PCDHA3: variants seen among roughly 807,000 people sequenced by gnomAD.
The protein encoded by PCDHA3 is protocadherin alpha 3.
Under a neutral mutation model 62.2 loss-of-function variants are expected in PCDHA3, and 41 were observed. The observed-to-expected ratio is 0.66, with a 90% CI of 0.51 to 0.86. PCDHA3 has a LOEUF of 0.86. Ranked by LOEUF, PCDHA3 falls within the 40% of genes least tolerant of loss-of-function variation. PCDHA3 has a pLI of 0.00. For missense variants in PCDHA3, 1,304 were observed against 1,241.2 expected, an observed-to-expected ratio of 1.05 and a Z score of -0.76; for synonymous variants, 640 against 555.4, an observed-to-expected ratio of 1.15 and a Z score of -2.14.
chr5:140,908,456 T>C (rs557022321), intron 1 of PCDHA3, among the ~76,000 whole-genome samples: 2 of 152,174 alleles, frequency 1.3e-5, no homozygotes, highest in South Asian at 4.1e-4. Context: ...GCTAGATGGA[T>C]CAGAAAGCAC....
At chr5:140,916,776 C>A (rs2153540006) in intron 1 of PCDHA3, among the ~76,000 whole-genome samples, 1 of 152,308 alleles carries the variant, frequency 6.6e-6, no homozygotes. Context: ...CACAAGCACT[C>A]CCTTAGCTGC....
chr5:140,986,736 A>C (rs1056820843), intron 3 of PCDHA3, among the ~76,000 whole-genome samples: 1 of 152,206 alleles, frequency 6.6e-6, no homozygotes, highest in South Asian at 2.1e-4. Context: ...TCAAGACCCC[A>C]GGGGATCTGG....
chr5:140,900,518 C>G (rs1444768233), intron 1 of PCDHA3, among the ~76,000 whole-genome samples: 1 of 152,228 alleles, frequency 6.6e-6, no homozygotes, highest in Admixed American at 6.5e-5. Flanking sequence ...CTCAGGTGAT[C>G]TGCCCACCTC....
chr5:140,876,580 G>T, intron 1 of PCDHA3: 1 of 1,614,190 alleles, frequency 6.2e-7, no homozygotes, highest in African/African-American at 1.3e-5. Context: ...TACCGTCATT[G>T]CCCTGATTAG....
intron 1 of PCDHA3, chr5:140,814,565 T>C (rs2150036613): frequency 6.6e-6 from 1 of 152,332 alleles, no homozygotes; most frequent in South Asian, 2.1e-4. Flanking sequence ...TATCAAGTAT[T>C]ATGTACTGTA....
In PCDHA3 at chr5:140,802,179, C is replaced by A. The variant is rs146951816; in HGVS notation, c.982C>A (p.Pro328Thr). The A allele has an allele frequency of 1.9e-6, 3 of 1,614,140 alleles. No individual in the cohort carries two copies. Among genetic ancestry groups the A allele is most frequent in the Non-Finnish European group, 8.5e-7 (1 of 1,179,962 alleles). The change falls in exon 1 of 4, where the codon CCC becomes ACC. Residue 328 changes from proline to threonine, a missense_variant. By Grantham distance (38) the Pro-to-Thr change is conservative (BLOSUM62 -1). Coordinates refer to ENST00000522353, the MANE Select transcript of PCDHA3 (RefSeq NM_018906.3). The stretch of plus-strand genomic sequence containing the variant: ...GGTAGAAGCCACGGATAAAGGAAAT[C>A]CCCCAATGTCAGATCACTGCACAGT... ...IQVEATDKGN[P>T]PMSDHCTVLL...
At position 140,983,206 on chromosome 5, in the gene PCDHA3, C is replaced by G. The variant is rs184479967; in HGVS notation, c.2542+643C>G. 1.8e-3 allele frequency among the ~76,000 whole-genome samples: 271 copies of G among 152,316 alleles called. 2 individuals are homozygous for G. Among genetic ancestry groups the G allele is most frequent in the South Asian group, 2.5e-3 (12 of 4,822 alleles). On this transcript the variant is annotated intron_variant, in intron 3 of 3. Transcript: ENST00000522353. ...TCTTAGTTTAGAGGGATAATAGGGA[C>G]TATTTCCTAATCCAAACTTTCAGGA...
chr5:140,851,247 G>A (rs1554145321), intron 1 of PCDHA3: 3 of 1,093,404 alleles, frequency 2.7e-6, no homozygotes. Flanking sequence ...GCTAAATGAT[G>A]CATAGTATTT....
chr5:140,876,204 GC>G, intron 1 of PCDHA3: 1 of 1,613,934 alleles, frequency 6.2e-7, no homozygotes. Context: ...CGTTTGATAA[GC>G]CCAGCTATAA....
At chr5:140,927,782 C>T (rs550993125) in intron 1 of PCDHA3, 50 of 1,614,098 alleles carry the variant, frequency 3.1e-5, no homozygotes, top group South Asian at 2.2e-4. Context: ...CAAGTAGCTG[C>T]TTCACTAGGT....
intron 1 of PCDHA3, chr5:140,828,237 C>A (rs2150152822): frequency 1.2e-6 from 2 of 1,613,956 alleles, no homozygotes; most frequent in Admixed American, 3.3e-5. Context: ...GGCCGGATCG[C>A]GCAGGACCTG....
At chr5:140,823,546 G>A in intron 1 of PCDHA3, 1 of 1,613,872 alleles carries the variant, frequency 6.2e-7, no homozygotes. Flanking sequence ...CCACGTGGTG[G>A]CGAAGGTGCG....
chr5:140,989,633 A>AGG (rs2097351730), intron 3 of PCDHA3, among the ~76,000 whole-genome samples: 1 of 152,226 alleles, frequency 6.6e-6, no homozygotes. Flanking sequence ...AGTGACAGCA[A>AGG]GGGTCTTTCA....
chr5:140,868,540 A>T (rs1244659306), intron 1 of PCDHA3: 2 of 152,656 alleles, frequency 1.3e-5, no homozygotes, highest in Admixed American at 6.5e-5. Flanking sequence ...AAACAATTCA[A>T]ATTTGATAGT....
At chr5:140,832,436 T>G in intron 1 of PCDHA3, among the ~76,000 whole-genome samples, 1 of 152,222 alleles carries the variant, frequency 6.6e-6, no homozygotes, top group South Asian at 2.1e-4. Context: ...TGATAATTTT[T>G]AAGCGTGTAA....
At chr5:140,901,941 T>C (rs1350790379) in intron 1 of PCDHA3, among the ~76,000 whole-genome samples, 3 of 152,110 alleles carry the variant, frequency 2.0e-5, no homozygotes, top group African/African-American at 7.2e-5. Flanking sequence ...CTAGGTATAT[T>C]TAGTTTTATT....
At chr5:140,859,562 C>A in intron 1 of PCDHA3, 1 of 176,644 alleles carries the variant, frequency 5.7e-6, no homozygotes, top group Non-Finnish European at 1.2e-5. Flanking sequence ...ACACCAATGC[C>A]ATGAATTTGT....
chr5:140,815,442 C>T (rs1389044439), intron 1 of PCDHA3: 4 of 152,212 alleles, frequency 2.6e-5, no homozygotes, highest in South Asian at 4.1e-4. Context: ...ATCTTTACTA[C>T]AATCACAAAA....
chr5:140,853,347 T>A, intron 1 of PCDHA3: 1 of 983,892 alleles, frequency 1.0e-6, no homozygotes. Context: ...TTAGCAAACA[T>A]GAACTCACAG....
Sources: allele counts gnomAD v4.1 joint callset (sites outside exome capture counted in the v4.1 genomes callset), GRCh38; gene constraint gnomAD v4.1.1; transcripts MANE v1.5; gene names NCBI Gene and HGNC (gene_info 2026-07-23, HGNC 2026-07-21).